MCC: variants seen among roughly 807,000 people sequenced by gnomAD.
MCC encodes the protein MCC regulator of Wnt signaling pathway, also known as colorectal mutant cancer protein.
In MCC, 90 loss-of-function variants were observed where a neutral mutation model predicts 116.2. That is an observed-to-expected ratio of 0.77 (90% CI 0.65 to 0.92). MCC has a LOEUF of 0.92. MCC is among the 40% of genes least tolerant of loss of function. The pLI is 0.00. For missense variants in MCC, 1,516 were observed against 1,312.2 expected (o/e 1.16, Z -2.40); for synonymous variants, 578 against 510.5 (o/e 1.13, Z -1.78).
intron 3 of MCC, among the ~76,000 whole-genome samples, chr5:113,276,171 G>A (rs1765819236): frequency 6.6e-6 from 1 of 151,960 alleles, no homozygotes; most frequent in African/African-American, 2.4e-5. Flanking sequence ...TGCCCCACAC[G>A]CCTCCCCTGA....
intron 1 of MCC, among the ~76,000 whole-genome samples, chr5:113,484,122 C>T (rs1209962669): frequency 1.3e-5 from 2 of 151,886 alleles, no homozygotes; most frequent in East Asian, 3.9e-4. Context: ...AACTAGTCGG[C>T]ACTAGGCTTA....
chr5:113,071,285 A>G, intron 11 of MCC, 51 bp from the exon 12 acceptor site: 1 of 1,585,536 alleles, frequency 6.3e-7, no homozygotes, highest in Middle Eastern at 1.7e-4. Flanking sequence ...TTAATTTGCC[A>G]ATATTTCAGT....
At chr5:113,190,827 T>A (rs1038847342) in intron 3 of MCC, among the ~76,000 whole-genome samples, 1 of 152,252 alleles carries the variant, frequency 6.6e-6, no homozygotes, top group South Asian at 2.1e-4. Context: ...ATTGTCTAAA[T>A]CTAAGAGGCA....
chr5:113,198,427 G>A (rs1241234283), intron 3 of MCC, among the ~76,000 whole-genome samples: 2 of 151,974 alleles, frequency 1.3e-5, no homozygotes, highest in Non-Finnish European at 2.9e-5. Context: ...AGGCATGGTG[G>A]CACACACCTG....
chr5:113,227,458 A>T (rs1213717660), intron 3 of MCC, among the ~76,000 whole-genome samples: 1 of 152,182 alleles, frequency 6.6e-6, no homozygotes, highest in Non-Finnish European at 1.5e-5. Context: ...TAGTAACTCG[A>T]ATTATTTACA....
intron 3 of MCC, among the ~76,000 whole-genome samples, chr5:113,240,937 G>A (rs543063596): frequency 2.2e-4 from 34 of 152,298 alleles, no homozygotes; most frequent in Admixed American, 5.9e-4. Context: ...AGGTGAAGAA[G>A]ACACCTTTGC....
rs1416111468 is a variant in MCC at position 113,043,613 on chromosome 5, G to T, written c.2673C>A (p.Ala891=). The T allele has an allele frequency of 6.2e-7, 1 of 1,613,876 alleles. No individual in the cohort carries two copies. ...DKPGKECADA[A]SPALSLAELR... ...GTTCGGCTAGGGACAGAGCTGGGGA[G>T]GCAGCATCAGCACACTCCTGACAAC... Residue 891 remains alanine, a synonymous_variant, in exon 17 of 19, where the codon GCC becomes GCA. Coordinates refer to ENST00000408903, the MANE Select transcript of MCC (RefSeq NM_001085377.2).
chr5:113,407,782 G>A (rs1769878494), intron 1 of MCC, among the ~76,000 whole-genome samples: 1 of 152,020 alleles, frequency 6.6e-6, no homozygotes, highest in Non-Finnish European at 1.5e-5. Context: ...TTGTCCTGAT[G>A]CTCTCCCTTC....
At chr5:113,075,854 G>A (rs543893380) in intron 11 of MCC, among the ~76,000 whole-genome samples, 60 of 152,246 alleles carry the variant, frequency 3.9e-4, no homozygotes, top group African/African-American at 1.3e-3. Flanking sequence ...AACACTCAAC[G>A]TGAAGGTCTG....
chr5:113,277,923 G>C (rs1765889085), intron 3 of MCC, among the ~76,000 whole-genome samples: 1 of 152,130 alleles, frequency 6.6e-6, no homozygotes, highest in African/African-American at 2.4e-5. Context: ...TTTCCACTTA[G>C]ATGACCAGCA....
At chr5:113,311,877 G>A (rs1228098617) in intron 3 of MCC, among the ~76,000 whole-genome samples, 1 of 152,186 alleles carries the variant, frequency 6.6e-6, no homozygotes, top group African/African-American at 2.4e-5. Context: ...GGAGGCTGAG[G>A]CGGGCAGATC....
intron 1 of MCC, among the ~76,000 whole-genome samples, chr5:113,448,443 C>T (rs149998442): frequency 1.4e-4 from 21 of 152,220 alleles, no homozygotes; most frequent in South Asian, 2.1e-4. Flanking sequence ...TAAAGCCAGA[C>T]GCAAGAATAC....
intron 3 of MCC, among the ~76,000 whole-genome samples, chr5:113,272,257 A>G (rs1765642878): frequency 6.6e-6 from 1 of 152,174 alleles, no homozygotes; most frequent in African/African-American, 2.4e-5. Context: ...GAAGCACTCA[A>G]CTATGAGCCA....
chr5:113,275,755 A>T (rs1159185406), intron 3 of MCC, among the ~76,000 whole-genome samples: 1 of 152,196 alleles, frequency 6.6e-6, no homozygotes, highest in Non-Finnish European at 1.5e-5. Flanking sequence ...TTTAAAGTAT[A>T]CAGGAGGATG....
intron 3 of MCC, among the ~76,000 whole-genome samples, chr5:113,193,524 T>C (rs765985533): frequency 3.3e-5 from 5 of 152,164 alleles, no homozygotes; most frequent in Non-Finnish European, 7.3e-5. Context: ...TTTTGTCATT[T>C]CTCCCACTAA....
intron 3 of MCC, among the ~76,000 whole-genome samples, chr5:113,193,006 G>A (rs1221311377): frequency 6.6e-6 from 1 of 152,184 alleles, no homozygotes; most frequent in Non-Finnish European, 1.5e-5. Flanking sequence ...TCAGGGCCAG[G>A]CTTCCCCGGA....
rs368057168 is a variant in MCC, at chr5:113,145,684, C to T, written c.742-2324G>A. 7.2e-5 allele frequency among the ~76,000 whole-genome samples: 11 copies of T among 151,952 alleles called. No individual in the cohort carries two copies. The South Asian group carries it at 1.2e-3, about 17-fold the overall frequency. On this transcript the variant is annotated intron_variant, in intron 4 of 18. Transcript: ENST00000408903. ...AATCCTGGCCAACCAGCAGCCCTCG[C>T]TGCTGCTCTGCCTATGGAGTGGCCA...
intron 3 of MCC, among the ~76,000 whole-genome samples, chr5:113,290,931 C>T (rs1209160034): frequency 6.6e-6 from 1 of 152,172 alleles, no homozygotes; most frequent in African/African-American, 2.4e-5. Context: ...AAGAACAAAT[C>T]ACTAGTTTAT....
At chr5:113,276,112 G>C (rs1765816719) in intron 3 of MCC, among the ~76,000 whole-genome samples, 1 of 152,028 alleles carries the variant, frequency 6.6e-6, no homozygotes, top group Non-Finnish European at 1.5e-5. Flanking sequence ...ACCAGTGTGG[G>C]AACAGCACAG....
Sources: allele counts gnomAD v4.1 joint callset (sites outside exome capture counted in the v4.1 genomes callset), GRCh38; gene constraint gnomAD v4.1.1; transcripts MANE v1.5; gene names NCBI Gene and HGNC (gene_info 2026-07-23, HGNC 2026-07-21).